Variants in MIOS observed in about 807,000 individuals in gnomAD.
MIOS encodes the protein meiosis regulator for oocyte development.
A neutral mutation model predicts 96.9 loss-of-function variants in MIOS; 52 were observed. That is an observed-to-expected ratio of 0.54 (90% confidence interval 0.43 to 0.68). MIOS has a LOEUF of 0.68. MIOS is among the 30% of genes least tolerant of loss of function. MIOS has a pLI of 0.00. For missense variants in MIOS, 1,005 were observed against 1,052.8 expected (o/e 0.95, Z 0.63); for synonymous variants, 397 against 359.5 (o/e 1.10, Z -1.18).
chr7:7,593,907 GA>G (rs1291964281), intron 9 of MIOS, among the ~76,000 whole-genome samples: 3 of 124,124 alleles, frequency 2.4e-5, no homozygotes, highest in African/African-American at 3.5e-5. Context: ...AAAAAGAAAA[GA>G]AAAAAAGAAA....
chr7:7,573,081 T>C lies in MIOS; in HGVS notation c.606T>C (p.Ala202=), dbSNP rs1168504136. 2 of 1,613,998 alleles carry C rather than the reference T, an allele frequency of 1.2e-6. No individual in the cohort carries two copies. Among genetic ancestry groups the C allele is most frequent in the Non-Finnish European group, 1.7e-6 (2 of 1,179,984 alleles). ...WLPRDQKLLL[A]GMHRNLAIFD... ...CACGAGACCAGAAACTTCTCCTTGC[T>C]GGTATGCATCGTAACCTAGCTATAT... Residue 202 remains alanine (A), a synonymous_variant, in exon 4 of 13, where the codon GCT becomes GCC. Coordinates refer to ENST00000340080, the MANE Select transcript of MIOS (RefSeq NM_019005.4). This position sits in a 1 kb window ranked among gnomAD's most constrained non-coding sequence, Gnocchi z 5.0.
At chr7:7,585,354 GA>G (rs1342410645) in intron 6 of MIOS, among the ~76,000 whole-genome samples, 1 of 150,074 alleles carries the variant, frequency 6.7e-6, no homozygotes, top group African/African-American at 2.4e-5. Flanking sequence ...TATAAGGGTA[GA>G]AATGTTTTGC....
chr7:7,573,315 T>C lies in MIOS; in HGVS notation c.840T>C (p.Thr280=), dbSNP rs1783416243. 2.5e-6 allele frequency: 4 copies of C among 1,613,970 alleles called. No homozygotes were observed. Among genetic ancestry groups the C allele is most frequent in the Non-Finnish European group, 3.4e-6 (4 of 1,179,956 alleles). The change falls in exon 4 of 13, where the codon ACT becomes ACC. Residue 280 remains threonine, a synonymous_variant. Transcript: ENST00000340080. This position sits in a 1 kb window ranked among gnomAD's most constrained non-coding sequence, Gnocchi z 5.0. The part of the protein sequence containing the change: ...LTKVAWCPTR[T]GLLATLTRDS... ...AAGTAGCATGGTGTCCCACTAGGAC[T>C]GGTCTACTTGCCACTTTAACAAGGG...
chr7:7,586,747 A>G lies in MIOS; in HGVS notation c.1818+942A>G, dbSNP rs112944249. On this transcript the variant is annotated intron_variant, in intron 7 of 12. Coordinates refer to ENST00000340080, the MANE Select transcript of MIOS (RefSeq NM_019005.4). ...TATTGAACTTTTTCTGACCAATTCA[A>G]ATTAATACGTATAATGTTAGGACTT... 1.7e-3 allele frequency among the ~76,000 whole-genome samples: 264 copies of G among 152,266 alleles called. 1 individual carries two copies. The highest frequency in any genetic ancestry group is 6.0e-3 in the African/African-American group (248 of 41,552).
chr7:7,594,826 A>C (rs79199064), intron 9 of MIOS, among the ~76,000 whole-genome samples, 154 bp from the exon 10 acceptor site: 2,117 of 145,146 alleles, frequency 0.015, 18 homozygotes, highest in Non-Finnish European at 0.025. Context: ...GAGCTTCCAT[A>C]AATTTTCTTT....
Position 7,595,217 on chromosome 7 carries a change from A to G in MIOS, c.2196+85A>G, listed in dbSNP as rs565732104. 13 of 1,418,514 alleles carry G rather than the reference A, an allele frequency of 9.2e-6. No individual in the cohort carries two copies. The Admixed American group carries it at 1.3e-4, about 14-fold the overall frequency. The allele number at this position is 1,418,514 out of a possible 1,614,324, so 87.9% of individuals were successfully genotyped here. A position where few individuals can be genotyped will look rare whatever the true frequency, so the allele number is the denominator to read the frequency against. ...TTACTATTAGCTCATTATTTTGCTT[A>G]TATTGAGTTCCCATTGATGTCTTTG... On this transcript the variant is annotated intron_variant, in intron 10 of 12. Transcript: ENST00000340080.
intron 3 of MIOS, among the ~76,000 whole-genome samples, chr7:7,569,466 C>T (rs1425313010): frequency 1.3e-5 from 2 of 152,180 alleles, no homozygotes; most frequent in African/African-American, 4.8e-5. Context: ...GCCAGCCTCT[C>T]CTAGGGAGCG....
chr7:7,590,395 T>G (rs556253008), intron 9 of MIOS, among the ~76,000 whole-genome samples: 1 of 152,208 alleles, frequency 6.6e-6, no homozygotes, highest in Non-Finnish European at 1.5e-5. Context: ...GTCTTTTAAA[T>G]TAAAGTGTAT....
chr7:7,569,004 G>A (rs939976056), intron 3 of MIOS, among the ~76,000 whole-genome samples: 1 of 152,154 alleles, frequency 6.6e-6, no homozygotes, highest in African/African-American at 2.4e-5. Context: ...TTTCTTTGTG[G>A]CATCAAGATT....
intron 11 of MIOS, among the ~76,000 whole-genome samples, chr7:7,602,520 A>G (rs1784409452): frequency 6.6e-6 from 1 of 152,192 alleles, no homozygotes; most frequent in Admixed American, 6.5e-5. Context: ...CTTACAAGGG[A>G]TGTGAAGGAC....
intron 12 of MIOS, among the ~76,000 whole-genome samples, chr7:7,606,713 G>A (rs1784540401): frequency 6.6e-6 from 1 of 152,066 alleles, no homozygotes; most frequent in East Asian, 1.9e-4. Context: ...ATAATTTGAT[G>A]CTTTTGATGC....
rs750769483 is a variant in MIOS at position 7,589,579 on chromosome 7, C to T, written c.2043+16C>T. The T allele has an allele frequency of 3.2e-6, 5 of 1,560,694 alleles. No homozygotes were observed. In the African/African-American group the frequency reaches 6.8e-5, roughly 21 times the overall value. Reference sequence around the variant, plus strand: ...TATGTTACAGGTCAGTGCAGTTTGACAGCAGCTTTTAAAAAAGTAACAATA... The same window carrying T: ...TATGTTACAGGTCAGTGCAGTTTGATAGCAGCTTTTAAAAAAGTAACAATA... On this transcript the variant is annotated intron_variant, in intron 9 of 12. Transcript: ENST00000340080.
At chr7:7,587,591 A>T (rs1266965861) in intron 7 of MIOS, among the ~76,000 whole-genome samples, 1 of 152,188 alleles carries the variant, frequency 6.6e-6, no homozygotes, top group African/African-American at 2.4e-5. Context: ...CTCGAGATGT[A>T]AAATGGGACA....
chr7:7,600,044 G>A (rs1310542747), intron 11 of MIOS, among the ~76,000 whole-genome samples: 2 of 152,022 alleles, frequency 1.3e-5, no homozygotes, highest in South Asian at 2.1e-4. Flanking sequence ...GAGGAGGATC[G>A]AAAAACTACC....
Position 7,573,101 on chromosome 7 carries a change from C to T in MIOS, c.626C>T (p.Ala209Val), listed in dbSNP as rs753140408. 131 of 1,613,896 alleles carry T rather than the reference C, an allele frequency of 8.1e-5. No homozygotes were observed. The highest frequency in any genetic ancestry group is 1.1e-4 in the Non-Finnish European group (124 of 1,179,960). ...CTTGCTGGTATGCATCGTAACCTAG[C>T]TATATTTGATCTTCGGAATACAAGC... The part of the protein sequence containing the change: ...LLLAGMHRNL[A>V]IFDLRNTSQK... Residue 209 changes from alanine to valine, a missense_variant, in exon 4 of 13, where the codon GCT becomes GTT. Physicochemically the swap from Ala to Val is moderately conservative, Grantham distance 64 (BLOSUM62 0). This residue lies in a region of MIOS where 865 missense variants were observed against 887.9 expected (regional missense o/e 0.97). Coordinates refer to ENST00000340080, the MANE Select transcript of MIOS (RefSeq NM_019005.4). The surrounding 1 kb of genome is among the most constrained non-coding windows in gnomAD (Gnocchi z 5.0).
At chr7:7,595,960 C>T (rs1028390458) in intron 10 of MIOS, among the ~76,000 whole-genome samples, 1 of 152,002 alleles carries the variant, frequency 6.6e-6, no homozygotes, top group African/African-American at 2.4e-5. Context: ...TTTGTAATGG[C>T]CCAGTGTGAA....
chr7:7,598,739 C>G (rs922345809), intron 11 of MIOS, among the ~76,000 whole-genome samples: 1 of 152,040 alleles, frequency 6.6e-6, no homozygotes, highest in Non-Finnish European at 1.5e-5. Flanking sequence ...TTGCTGAATA[C>G]CAGTTTTTCA....
chr7:7,600,451 A>G (rs1264940223), intron 11 of MIOS, among the ~76,000 whole-genome samples: 1 of 152,228 alleles, frequency 6.6e-6, no homozygotes, highest in Non-Finnish European at 1.5e-5. Context: ...GTTTAAACCA[A>G]CAAAGATCAA....
chr7:7,604,871 A>G (rs770291079), intron 11 of MIOS, among the ~76,000 whole-genome samples: 6 of 152,084 alleles, frequency 3.9e-5, no homozygotes, highest in African/African-American at 7.3e-5. Flanking sequence ...ACAAAGGTGT[A>G]AAGTAGTGTA....
Sources: gnomAD v4.1 joint callset for allele counts (sites outside exome capture counted in the v4.1 genomes callset) on GRCh38, gnomAD v4.1.1 for gene constraint, gnomAD v4.1.1 regional missense constraint, Gnocchi (gnomAD v3.1) non-coding constraint, MANE v1.5 for transcripts, NCBI Gene and HGNC (gene_info 2026-07-23, HGNC 2026-07-21) for gene names.